The following GXYLT2 variants were observed in gnomAD, a reference collection of about 807,000 sequenced individuals.
The protein encoded by GXYLT2 is glycosyltransferase 8 domain containing 4.
GXYLT2 carries 53 observed loss-of-function variants against 45.8 expected under a neutral mutation model. The observed-to-expected ratio is 1.16, with a 90% CI of 0.93 to 1.46. The LOEUF (loss-of-function observed/expected upper bound fraction) is 1.46, where lower values mean the gene tolerates loss of function less well. GXYLT2 is among the 40% of genes most tolerant of loss of function. The probability of loss-of-function intolerance (pLI) is 0.00; values close to 1 mark genes in which losing one functional copy is unlikely to be tolerated. For missense variants in GXYLT2, 551 were observed against 544.4 expected (o/e 1.01, Z -0.12); for synonymous variants, 219 against 214.2 (o/e 1.02, Z -0.19).
At position 72,906,316 on chromosome 3, in the gene GXYLT2, C is replaced by A. The variant is rs373310108; in HGVS notation, c.276-2051C>A. 6.6e-5 allele frequency among the ~76,000 whole-genome samples: 10 copies of A among 152,188 alleles called. No individual in the cohort carries two copies. The South Asian group carries it at 1.9e-3, about 28-fold the overall frequency. On this transcript the variant is annotated intron_variant, in intron 1 of 6. Transcript: ENST00000389617. ...CCCCTCTGCGTGGCATGCTCCTCCCCCTAGACGTGCACATGGCTCGCTACC... is the reference window on the plus strand; with the variant it reads ...CCCCTCTGCGTGGCATGCTCCTCCCACTAGACGTGCACATGGCTCGCTACC...
chr3:72,968,930 G>T (rs1025262244), intron 6 of GXYLT2, among the ~76,000 whole-genome samples: 2 of 152,024 alleles, frequency 1.3e-5, no homozygotes, highest in Non-Finnish European at 2.9e-5. Flanking sequence ...TTGGTGCTGG[G>T]TGTGGTGGCG....
intron 1 of GXYLT2, among the ~76,000 whole-genome samples, chr3:72,889,421 A>T (rs958124856): frequency 1.3e-5 from 2 of 152,198 alleles, no homozygotes; most frequent in Non-Finnish European, 2.9e-5. Flanking sequence ...ATTTTTGACC[A>T]TAATGACTAA....
chr3:72,905,342 T>C (rs1709491737), intron 1 of GXYLT2, among the ~76,000 whole-genome samples: 1 of 152,102 alleles, frequency 6.6e-6, no homozygotes, highest in Admixed American at 6.6e-5. Context: ...GGTCTCGAAC[T>C]CCTGACCTCA....
At chr3:72,950,176 A>G (rs1320639353) in intron 3 of GXYLT2, among the ~76,000 whole-genome samples, 1 of 152,004 alleles carries the variant, frequency 6.6e-6, no homozygotes, top group Non-Finnish European at 1.5e-5. Flanking sequence ...CAAAAAAATT[A>G]GCAGCTGGGC....
intron 3 of GXYLT2, among the ~76,000 whole-genome samples, chr3:72,948,835 C>CA (rs1234193329): frequency 0.19 from 14,081 of 74,584 alleles, 1,506 homozygotes; most frequent in East Asian, 0.65. Context: ...GATTCTGTCT[C>CA]AAAAAAAAAA....
In GXYLT2 at chr3:72,920,119, CT is replaced by C. The variant is rs968517793; in HGVS notation, c.469-2078del. ...GTTTTCATTGTTGTTCTTGTTTTTA[CT>C]TTTTTTATTTTTTATTTATTTTTTT... On this transcript the variant is annotated intron_variant, in intron 2 of 6. Transcript: ENST00000389617. Among the ~76,000 whole-genome samples, 18 of 151,856 alleles carry C rather than the reference CT, an allele frequency of 1.2e-4. No homozygotes were observed. The East Asian group carries it at 3.1e-3, about 26-fold the overall frequency.
At chr3:72,946,086 G>A (rs1403331580) in intron 3 of GXYLT2, among the ~76,000 whole-genome samples, 1 of 151,748 alleles carries the variant, frequency 6.6e-6, no homozygotes, top group Non-Finnish European at 1.5e-5. Context: ...AGATCAATCC[G>A]GGCAACATAG....
chr3:72,914,575 A>T (rs549124830), intron 2 of GXYLT2, among the ~76,000 whole-genome samples: 1 of 151,948 alleles, frequency 6.6e-6, no homozygotes, highest in Non-Finnish European at 1.5e-5. Flanking sequence ...GCGCATGTAT[A>T]TGCGCGTATG....
chr3:72,955,304 A>G lies in GXYLT2; in HGVS notation c.807A>G (p.Gly269=), dbSNP rs753199486. The G allele has an allele frequency of 6.2e-7, 1 of 1,613,894 alleles. No homozygotes were observed. Among genetic ancestry groups the G allele is most frequent in the Non-Finnish European group, 8.5e-7 (1 of 1,179,812 alleles). Residue 269 remains glycine, a synonymous_variant, in exon 4 of 7, where the codon GGA becomes GGG. Coordinates refer to ENST00000389617, the MANE Select transcript of GXYLT2 (RefSeq NM_001080393.2). The part of the protein sequence containing the change: ...PFYGSAGVNS[G]VMLMNLTRIR... The stretch of plus-strand genomic sequence containing the variant: ...ATGGCTCTGCAGGAGTTAATTCAGG[A>G]GTCATGTTAATGAATTTAACTCGGA...
intron 1 of GXYLT2, among the ~76,000 whole-genome samples, chr3:72,904,198 T>C (rs967712380): frequency 6.6e-6 from 1 of 152,246 alleles, no homozygotes; most frequent in African/African-American, 2.4e-5. Context: ...ACCCATTCCC[T>C]GCCCAATCCT....
At chr3:72,925,095 T>C (rs1379487928) in intron 3 of GXYLT2, among the ~76,000 whole-genome samples, 1 of 152,058 alleles carries the variant, frequency 6.6e-6, no homozygotes, top group Non-Finnish European at 1.5e-5. Context: ...CCTGGATGAA[T>C]TGTTGGCAGC....
At chr3:72,902,645 A>G (rs1015904965) in intron 1 of GXYLT2, among the ~76,000 whole-genome samples, 4 of 152,188 alleles carry the variant, frequency 2.6e-5, no homozygotes, top group Admixed American at 6.5e-5. Context: ...AGTCTGGGCA[A>G]TATAGTGAGA....
intron 1 of GXYLT2, among the ~76,000 whole-genome samples, chr3:72,895,810 T>C (rs964889540): frequency 6.6e-6 from 1 of 152,218 alleles, no homozygotes; most frequent in African/African-American, 2.4e-5. Context: ...TTGCTGATTT[T>C]GTGCCAGAAA....
chr3:72,944,326 T>C (rs1035190542), intron 3 of GXYLT2, among the ~76,000 whole-genome samples: 4 of 151,202 alleles, frequency 2.6e-5, no homozygotes, highest in Non-Finnish European at 5.9e-5. Context: ...ACAATCTCAG[T>C]TTACTGCAAC....
rs1397029344 is a variant in GXYLT2 at position 72,908,527 on chromosome 3, G to A, written c.436G>A (p.Glu146Lys). The A allele has an allele frequency of 6.2e-7, 1 of 1,613,010 alleles. No homozygotes were observed. The highest frequency in any genetic ancestry group is 8.5e-7 in the Non-Finnish European group (1 of 1,179,644). Reference protein sequence around the residue: ...HRKIQFHIFTEDSLKPEFDKQ... With the variant: ...HRKIQFHIFTKDSLKPEFDKQ... ...GAAGATCCAATTCCACATCTTCACT[G>A]AAGACTCTCTGAAGCCCGAGTTTGA... is the stretch of plus-strand genomic sequence containing the variant. The change falls in exon 2 of 7, where the codon GAA becomes AAA. Residue 146 changes from glutamate (E) to lysine (K), a missense_variant. By Grantham distance (56) the Glu-to-Lys change is moderately conservative. Transcript: ENST00000389617.
chr3:72,906,815 A>C (rs1709518832), intron 1 of GXYLT2, among the ~76,000 whole-genome samples: 1 of 152,198 alleles, frequency 6.6e-6, no homozygotes, highest in Non-Finnish European at 1.5e-5. Context: ...ATGATTATGA[A>C]TGGCCGTCTC....
rs1480099595 is a variant in GXYLT2 at position 72,888,444 on chromosome 3, C to G, written c.211C>G (p.Arg71Gly). The G allele has an allele frequency of 1.1e-5, 13 of 1,191,630 alleles. No individual in the cohort carries two copies. Among genetic ancestry groups the G allele is most frequent in the Non-Finnish European group, 1.1e-5 (11 of 959,558 alleles). The allele number at this position is 1,191,630 out of a possible 1,614,324, so 73.8% of individuals were successfully genotyped here. ...GGCCAGCCCGGGAGTTCGGAGGCGC[C>G]GGCCCCCGCGTCCGCGCCCCCGAGC... ...PGASPGVRRR[R>G]PPRPRPRAGR... The change falls in exon 1 of 7, where the codon CGG becomes GGG. Residue 71 changes from arginine to glycine, a missense_variant. Coordinates refer to ENST00000389617, the MANE Select transcript of GXYLT2 (RefSeq NM_001080393.2).
intron 2 of GXYLT2, among the ~76,000 whole-genome samples, chr3:72,915,020 A>G (rs7618631): frequency 0.25 from 37,455 of 151,880 alleles, 8,575 homozygotes; most frequent in African/African-American, 0.61. Context: ...GGGCATGGTG[A>G]CACACACCTG....
chr3:72,950,364 G>A (rs1196954841), intron 3 of GXYLT2, among the ~76,000 whole-genome samples: 3 of 152,120 alleles, frequency 2.0e-5, no homozygotes, highest in Non-Finnish European at 4.4e-5. Context: ...CAGACGTTGA[G>A]GCAGGAGAAT....
Sources: gnomAD v4.1 joint callset for allele counts (sites outside exome capture counted in the v4.1 genomes callset) on GRCh38, gnomAD v4.1.1 for gene constraint, MANE v1.5 for transcripts, NCBI Gene and HGNC (gene_info 2026-07-23, HGNC 2026-07-21) for gene names.